Variants in COL8A1 observed in about 807,000 individuals in gnomAD.
COL8A1 encodes the protein collagen type VIII alpha 1 chain.
Under a neutral mutation model 42.7 loss-of-function variants are expected in COL8A1, and 21 were observed. That is an observed-to-expected ratio of 0.49 (90% confidence interval 0.35 to 0.71). The LOEUF is 0.71. COL8A1 is among the 30% of genes least tolerant of loss of function. The probability of loss-of-function intolerance (pLI) is 0.01; values close to 1 mark genes in which losing one functional copy is unlikely to be tolerated. For synonymous variants in COL8A1, 367 were observed against 369.1 expected (o/e 0.99, Z 0.06); for missense variants, 788 against 962.4 (o/e 0.82, Z 2.40).
chr3:99,674,101 A>T (rs1002479498), intron 1 of COL8A1, among the ~76,000 whole-genome samples: 4 of 152,042 alleles, frequency 2.6e-5, no homozygotes, highest in Non-Finnish European at 5.9e-5. Context: ...ATCAACTTTT[A>T]TGATCTCTTG....
At chr3:99,793,524 T>C (rs952667700) in intron 3 of COL8A1, among the ~76,000 whole-genome samples, 2 of 152,130 alleles carry the variant, frequency 1.3e-5, no homozygotes, top group African/African-American at 4.8e-5. Flanking sequence ...AGTGGGCTTA[T>C]AGGCAAATTT....
At chr3:99,732,997 G>A (rs887975487) in intron 1 of COL8A1, among the ~76,000 whole-genome samples, 1 of 151,958 alleles carries the variant, frequency 6.6e-6, no homozygotes, top group African/African-American at 2.4e-5. Flanking sequence ...GCTCCAGAAT[G>A]ATCTCCTTTG....
intron 1 of COL8A1, among the ~76,000 whole-genome samples, chr3:99,652,820 A>T (rs1277970221): frequency 6.6e-6 from 1 of 152,226 alleles, no homozygotes; most frequent in Non-Finnish European, 1.5e-5. Context: ...GTAAATTTTT[A>T]AATGATAGTT....
intron 1 of COL8A1, among the ~76,000 whole-genome samples, chr3:99,656,701 T>A (rs1938032445): frequency 6.6e-6 from 1 of 152,180 alleles, no homozygotes; most frequent in African/African-American, 2.4e-5. Flanking sequence ...AAGAACACAA[T>A]AAAGAAACAA....
chr3:99,641,195 A>C (rs1171660049), intron 1 of COL8A1, among the ~76,000 whole-genome samples: 1 of 152,164 alleles, frequency 6.6e-6, no homozygotes, highest in Non-Finnish European at 1.5e-5. Context: ...TGGAGGAATC[A>C]CAGAAGTGCC....
chr3:99,796,158 A>G lies in COL8A1; in HGVS notation c.*22A>G. 2.1e-6 allele frequency: 3 copies of G among 1,445,692 alleles called. No homozygotes were observed. The highest frequency in any genetic ancestry group is 1.4e-5 in the African/African-American group (1 of 70,986). 89.6% of individuals were successfully genotyped at this position (1,445,692 alleles called of 1,614,324 possible). A position where few individuals can be genotyped will look rare whatever the true frequency, so the allele number is the denominator to read the frequency against. On this transcript the variant is annotated 3_prime_UTR_variant, in exon 4 of 4. Coordinates refer to ENST00000652472, the MANE Select transcript of COL8A1 (RefSeq NM_020351.4). The stretch of plus-strand genomic sequence containing the variant: ...GTAAAAACAAAAAAACAAAAAACAA[A>G]GAAAAGAAAGAGATTTTATAGAAGA...
intron 1 of COL8A1, among the ~76,000 whole-genome samples, chr3:99,741,054 A>T (rs535418712): frequency 1.3e-5 from 2 of 152,238 alleles, no homozygotes; most frequent in South Asian, 2.1e-4. Context: ...ATGTCAATTT[A>T]TTTTCCAGTA....
intron 2 of COL8A1, among the ~76,000 whole-genome samples, chr3:99,773,838 T>TATATATATATATATATATA (rs57465016): frequency 6.8e-5 from 4 of 58,412 alleles, no homozygotes; most frequent in African/African-American, 2.8e-4. Flanking sequence ...TATATATATA[T>TATATATATATATATATATA]TTTTTTTTTT....
chr3:99,773,276 C>G (rs1485803378), intron 2 of COL8A1, among the ~76,000 whole-genome samples: 1 of 152,142 alleles, frequency 6.6e-6, no homozygotes, highest in Admixed American at 6.5e-5. Context: ...AACAAGACTT[C>G]AATTAGGCCA....
intron 3 of COL8A1, among the ~76,000 whole-genome samples, chr3:99,793,830 C>A (rs1942048392): frequency 6.6e-6 from 1 of 152,124 alleles, no homozygotes; most frequent in South Asian, 2.1e-4. Context: ...CAGCTCACTG[C>A]AACCTCTGCC....
chr3:99,795,288 G>T lies in COL8A1; in HGVS notation c.1387G>T (p.Glu463Ter). 1 of 1,611,778 alleles carries T rather than the reference G, an allele frequency of 6.2e-7. No homozygotes were observed. The highest frequency in any genetic ancestry group is 8.5e-7 in the Non-Finnish European group (1 of 1,178,964). ...GCCAGGTCCCATAGGGCCCAAGGGG[G>T]AAGCTGGGCAAAAAGGTGTACCAGG... ...GLPGPIGPKG[E>*]AGQKGVPGLP... The change falls in exon 4 of 4, where the codon GAA becomes TAA. Residue 463 changes from glutamate to a stop codon, truncating the protein, a stop_gained. Coordinates refer to ENST00000652472, the MANE Select transcript of COL8A1 (RefSeq NM_020351.4). LOFTEE classifies it high-confidence loss of function.
intron 2 of COL8A1, among the ~76,000 whole-genome samples, chr3:99,772,580 C>G (rs1304755475): frequency 1.3e-5 from 2 of 152,236 alleles, no homozygotes; most frequent in East Asian, 3.9e-4. Context: ...GAACTTTGTA[C>G]TCTCCCATAT....
chr3:99,661,343 G>A (rs918529593), intron 1 of COL8A1, among the ~76,000 whole-genome samples: 2 of 152,080 alleles, frequency 1.3e-5, no homozygotes, highest in African/African-American at 4.8e-5. Flanking sequence ...TGGTCAACAA[G>A]CACATGAAAA....
intron 1 of COL8A1, among the ~76,000 whole-genome samples, chr3:99,645,390 A>C (rs1937623110): frequency 6.6e-6 from 1 of 152,128 alleles, no homozygotes; most frequent in African/African-American, 2.4e-5. Flanking sequence ...TTGAGGTTGG[A>C]AGAATGAGGA....
intron 2 of COL8A1, among the ~76,000 whole-genome samples, chr3:99,765,181 T>C (rs529996862): frequency 6.6e-6 from 1 of 152,330 alleles, no homozygotes; most frequent in African/African-American, 2.4e-5. Context: ...GACATGGTCT[T>C]GGCTATCAAC....
In COL8A1 at chr3:99,795,913, G is replaced by A. The variant is rs190381283; in HGVS notation, c.2012G>A (p.Gly671Glu). 14 of 1,614,184 alleles carry A rather than the reference G, an allele frequency of 8.7e-6. No homozygotes were observed. The South Asian group carries it at 1.4e-4, about 16-fold the overall frequency. ...TTTGCATACCACGTTCACTGCAAGG[G>A]GGGCAACGTGTGGGTTGCTCTATTC... The part of the protein sequence containing the change: ...YYFAYHVHCK[G>E]GNVWVALFKN... The change falls in exon 4 of 4, where the codon GGG (glycine) becomes GAG (glutamate). Residue 671 changes from glycine (G) to glutamate (E), a missense_variant. This residue lies in a region of COL8A1 where 212 missense variants were observed against 210.9 expected (regional missense o/e 1.00). Coordinates refer to ENST00000652472, the MANE Select transcript of COL8A1 (RefSeq NM_020351.4).
intron 1 of COL8A1, among the ~76,000 whole-genome samples, chr3:99,712,496 C>T (rs1325960317): frequency 6.6e-6 from 1 of 152,122 alleles, no homozygotes; most frequent in East Asian, 1.9e-4. Context: ...GATTTATAGG[C>T]CCTGAATTGA....
chr3:99,650,622 C>T (rs1576412953), intron 1 of COL8A1, among the ~76,000 whole-genome samples: 3 of 152,064 alleles, frequency 2.0e-5, no homozygotes, highest in Admixed American at 6.6e-5. Flanking sequence ...TTAATAGAGA[C>T]AGGGTTTCAC....
chr3:99,724,840 GA>G (rs1940258026), intron 1 of COL8A1, among the ~76,000 whole-genome samples: 1 of 152,000 alleles, frequency 6.6e-6, no homozygotes, highest in Admixed American at 6.6e-5. Context: ...CACCAATTAT[GA>G]GCCACTCACT....
Sources: gnomAD v4.1 joint callset for allele counts (sites outside exome capture counted in the v4.1 genomes callset) on GRCh38, gnomAD v4.1.1 for gene constraint, gnomAD v4.1.1 regional missense constraint, MANE v1.5 for transcripts, NCBI Gene and HGNC (gene_info 2026-07-23, HGNC 2026-07-21) for gene names.